Variants in FAM186B observed in about 807,000 individuals in gnomAD.
The protein encoded by FAM186B is protein FAM186B.
Under a neutral mutation model 83.4 loss-of-function variants are expected in FAM186B, and 68 were observed. That is an observed-to-expected ratio of 0.81 (90% CI 0.67 to 1.00). FAM186B has a LOEUF of 1.00. FAM186B is among the 50% of genes least tolerant of loss of function. The probability of loss-of-function intolerance (pLI) is 0.00; values close to 1 mark genes in which losing one functional copy is unlikely to be tolerated. For missense variants in FAM186B, 983 were observed against 1,099.2 expected (o/e 0.89, Z 1.49); for synonymous variants, 389 against 422.0 (o/e 0.92, Z 0.96).
chr12:49,583,126 C>T (rs1939371529), downstream of FAM186B: 2 of 451,366 alleles, frequency 4.4e-6, no homozygotes, highest in African/African-American at 2.0e-5. Flanking sequence ...AAACATGAAA[C>T]CTTTGAAAAT....
At chr12:49,611,381 AAAATAC>A in the FAM186B span, among the ~76,000 whole-genome samples, 1 of 151,674 alleles carries the variant, frequency 6.6e-6, no homozygotes, top group Non-Finnish European at 1.5e-5. Flanking sequence ...TCAAAATAAA[AAAATAC>A]AAATACAAAT....
At chr12:49,589,581 A>G (rs1034389394) in intron 5 of FAM186B, among the ~76,000 whole-genome samples, 17 of 152,164 alleles carry the variant, frequency 1.1e-4, no homozygotes, top group Admixed American at 2.6e-4. Context: ...TATGAATTCT[A>G]ATTTGCTGGG....
At chr12:49,606,659 G>A (rs1408745251), upstream of FAM186B, among the ~76,000 whole-genome samples, 2 of 152,100 alleles carry the variant, frequency 1.3e-5, no homozygotes, top group Non-Finnish European at 2.9e-5. Flanking sequence ...GAACTGAAAG[G>A]AGGAATAGGT....
chr12:49,588,018 G>C (rs1939488834), intron 6 of FAM186B, among the ~76,000 whole-genome samples: 1 of 152,218 alleles, frequency 6.6e-6, no homozygotes, highest in Non-Finnish European at 1.5e-5. Context: ...CCTGATCTAG[G>C]CCATGCAAGG....
At position 49,604,404 on chromosome 12, in the gene FAM186B, G is replaced by T; in HGVS notation, c.231C>A (p.Phe77Leu). 6.2e-7 allele frequency: 1 copy of T among 1,614,244 alleles called. No individual in the cohort carries two copies. The highest frequency in any genetic ancestry group is 1.7e-5 in the Admixed American group (1 of 60,032). The change falls in exon 2 of 7, where the codon TTC becomes TTA. Residue 77 changes from phenylalanine to leucine, a missense_variant. Transcript: ENST00000257894. ...AGGAGGCAATTTTTTCCAGCAAGAT[G>T]AATCTCTTCTTGCCCTTTGGATCTC... ...QQRDPKGKKR[F>L]ILLEKIASFS...
At position 49,599,432 on chromosome 12, in the gene FAM186B, G is replaced by GCAGGTGGGTGC. The variant is rs779887029; in HGVS notation, c.2171+26_2171+36dup. ...GTTTAGGCTCTGCCAACATATTGCA[G>GCAGGTGGGTGC]CAGGTGGGTGCCAGGTGGGTTCCAG... On this transcript the variant is annotated intron_variant, in intron 4 of 6. Transcript: ENST00000257894. 1.1e-4 allele frequency: 162 copies of GCAGGTGGGTGC among 1,508,074 alleles called. No individual in the cohort carries two copies. In the African/African-American group the frequency reaches 1.6e-3, roughly 15 times the overall value. The allele number at this position is 1,508,074 out of a possible 1,614,324, so 93.4% of individuals were successfully genotyped here.
At chr12:49,589,506 G>A (rs1417453828) in intron 5 of FAM186B, among the ~76,000 whole-genome samples, 1 of 152,168 alleles carries the variant, frequency 6.6e-6, no homozygotes, top group Non-Finnish European at 1.5e-5. Context: ...CCATATGAAA[G>A]ATGGATATGG....
downstream of FAM186B, among the ~76,000 whole-genome samples, chr12:49,586,564 G>A (rs74595332): frequency 6.6e-6 from 1 of 152,190 alleles, no homozygotes; most frequent in Non-Finnish European, 1.5e-5. Context: ...CCACGATGGG[G>A]AGGTCTTTGG....
chr12:49,587,472 CTA>C, downstream of FAM186B: 1 of 1,286,092 alleles, frequency 7.8e-7, no homozygotes, highest in Non-Finnish European at 1.1e-6. Flanking sequence ...TAGCCTCTCT[CTA>C]TCTGGTGTGG....
chr12:49,591,836 C>T (rs1380893719), intron 5 of FAM186B, among the ~76,000 whole-genome samples: 1 of 152,094 alleles, frequency 6.6e-6, no homozygotes, highest in African/African-American at 2.4e-5. Flanking sequence ...ATTAAATGGT[C>T]TCTAGATTAC....
At chr12:49,584,467 T>C (rs1029005269), downstream of FAM186B, 26 of 701,832 alleles carry the variant, frequency 3.7e-5, no homozygotes, top group African/African-American at 4.2e-4. Context: ...TGAGAATCAC[T>C]GGCTGAGGGA....
chr12:49,599,447 G>T (rs1565809534), intron 4 of FAM186B, 22 bp downstream of exon 4: 12 of 1,513,862 alleles, frequency 7.9e-6, no homozygotes, highest in Middle Eastern at 1.8e-4. Context: ...TGGGTGCCAG[G>T]TGGGTTCCAG....
chr12:49,603,002 C>T (rs148806680), intron 3 of FAM186B, among the ~76,000 whole-genome samples, 183 bp downstream of exon 3: 2,169 of 152,316 alleles, frequency 0.014, 19 homozygotes, highest in Middle Eastern at 0.041. Context: ...AAGGACAGCT[C>T]AGAGCTGCTC....
At chr12:49,619,596 G>A in the FAM186B span, 2 of 670,076 alleles carry the variant, frequency 3.0e-6, no homozygotes, top group Non-Finnish European at 5.6e-6. Flanking sequence ...CGGGAATTCT[G>A]GGCAAAACCT....
Position 49,599,744 on chromosome 12 carries a change from A to T in FAM186B, c.1896T>A (p.Ser632=). ...ATGTCCCAGTGACAGGAAAGGAGGC[A>T]GATTTCTTGGGCTTTGTGGGAACTC... ...TRRVPTKPKK[S]ASFPVTGTSI... is the part of the protein sequence containing the mutation. Residue 632 remains serine (S), a synonymous_variant, in exon 4 of 7, where the codon TCT becomes TCA. Transcript: ENST00000257894. 6.2e-7 allele frequency: 1 copy of T among 1,614,118 alleles called. No individual in the cohort carries two copies. The highest frequency in any genetic ancestry group is 8.5e-7 in the Non-Finnish European group (1 of 1,179,994).
chr12:49,598,878 G>A lies in FAM186B; in HGVS notation c.2241C>T (p.Tyr747=). 1.9e-6 allele frequency: 3 copies of A among 1,613,666 alleles called. No individual in the cohort carries two copies. The highest frequency in any genetic ancestry group is 2.5e-6 in the Non-Finnish European group (3 of 1,179,940). The change falls in exon 5 of 7, where the codon TAC becomes TAT. Residue 747 remains tyrosine (Y), a synonymous_variant. Coordinates refer to ENST00000257894, the MANE Select transcript of FAM186B (RefSeq NM_032130.3). The stretch of plus-strand genomic sequence containing the variant: ...GGCGGTCAATGTTTTCCAGGAAGAT[G>A]TAGAGGTTCTGGGCCTTGTAGGAAG... ...TEASYKAQNL[Y]IFLENIDRLQ...
chr12:49,618,595 T>G, the FAM186B span, among the ~76,000 whole-genome samples: 2 of 151,852 alleles, frequency 1.3e-5, no homozygotes, highest in South Asian at 4.1e-4. Flanking sequence ...TGAGATAAGA[T>G]AACCCTGAAA....
chr12:49,596,097 A>G (rs1040144845), intron 5 of FAM186B, among the ~76,000 whole-genome samples: 1 of 152,228 alleles, frequency 6.6e-6, no homozygotes, highest in Non-Finnish European at 1.5e-5. Context: ...AAACAATGGT[A>G]GATTAATGTG....
chr12:49,591,081 C>T (rs117505430), intron 5 of FAM186B, among the ~76,000 whole-genome samples: 2,718 of 152,130 alleles, frequency 0.018, 43 homozygotes, highest in Non-Finnish European at 0.029. Flanking sequence ...GGTCAATGAT[C>T]CCCAAAAGGA....
Sources: gnomAD v4.1 joint callset for allele counts (sites outside exome capture counted in the v4.1 genomes callset) on GRCh38, gnomAD v4.1.1 for gene constraint, MANE v1.5 for transcripts, NCBI Gene and HGNC (gene_info 2026-07-23, HGNC 2026-07-21) for gene names.